The following PJA2 variants were observed in gnomAD, a reference collection of about 807,000 sequenced individuals.
PJA2 encodes praja ring finger ubiquitin ligase 2, also known as E3 ubiquitin-protein ligase Praja-2.
PJA2 carries 25 observed loss-of-function variants against 69.3 expected under a neutral mutation model. That is an observed-to-expected ratio of 0.36 (90% confidence interval 0.26 to 0.50). The LOEUF is 0.50. PJA2 is among the 20% of genes least tolerant of loss of function. The pLI is 0.96. For synonymous variants in PJA2, 308 were observed against 277.8 expected (o/e 1.11, Z -1.08); for missense variants, 809 against 830.2 (o/e 0.97, Z 0.31).
rs537924344 is a variant in PJA2 at position 109,351,781 on chromosome 5, A to G, written c.1764+4134T>C. ...ACAGAAATGAAAGCAACTACTTCCA[A>G]AAAGTTATAGGGCTGCTTGAGAAAC... On this transcript the variant is annotated intron_variant, in intron 7 of 9. Coordinates refer to ENST00000361189, the MANE Select transcript of PJA2 (RefSeq NM_014819.5). Among the ~76,000 whole-genome samples the G allele has an allele frequency of 2.6e-5, 4 of 152,128 alleles. No homozygotes were observed. The South Asian group carries it at 6.2e-4, about 24-fold the overall frequency.
At chr5:109,397,906 T>C (rs1394648633) in intron 1 of PJA2, among the ~76,000 whole-genome samples, 2 of 152,146 alleles carry the variant, frequency 1.3e-5, no homozygotes, top group African/African-American at 4.8e-5. Flanking sequence ...AATCTACTCA[T>C]CTGACAAAGG....
rs900273578 is a variant in PJA2 at position 109,334,850 on chromosome 5, C to T, written c.*2381G>A. 2.6e-5 allele frequency: 4 copies of T among 152,458 alleles called. No individual in the cohort carries two copies. Among genetic ancestry groups the T allele is most frequent in the South Asian group, 2.1e-4 (1 of 4,818 alleles). The allele number at this position is 152,458 out of a possible 1,614,324, so 9.4% of individuals were successfully genotyped here. A position where few individuals can be genotyped will look rare whatever the true frequency, so the allele number is the denominator to read the frequency against. On this transcript the variant is annotated 3_prime_UTR_variant, in exon 10 of 10. Transcript: ENST00000361189. ...AAACTTGCATTCCATTTTAACAATT[C>T]GTATGTATCTAACAAATACATAAAT...
chr5:109,368,728 C>T lies in PJA2; in HGVS notation c.1302G>A (p.Gly434=). Residue 434 remains glycine, a synonymous_variant, in exon 5 of 10, where the codon GGG becomes GGA. Coordinates refer to ENST00000361189, the MANE Select transcript of PJA2 (RefSeq NM_014819.5). ...KDEDSSECSD[G]EWSASLPHRF... The stretch of plus-strand genomic sequence containing the variant: ...GATGAGGCAAAGAAGCAGACCATTC[C>T]CCATCACTGCATTCAGAACTGCAAA... 1 of 1,613,128 alleles carries T rather than the reference C, an allele frequency of 6.2e-7. No homozygotes were observed. Among genetic ancestry groups the T allele is most frequent in the Non-Finnish European group, 8.5e-7 (1 of 1,179,666 alleles).
intron 4 of PJA2, among the ~76,000 whole-genome samples, chr5:109,375,185 A>G (rs932874738): frequency 2.6e-5 from 4 of 152,208 alleles, no homozygotes; most frequent in African/African-American, 4.8e-5. Flanking sequence ...TATATAATTC[A>G]TATTTTTAAA....
At chr5:109,390,789 T>C (rs1747264738) in intron 1 of PJA2, 1 of 152,142 alleles carries the variant, frequency 6.6e-6, no homozygotes, top group Non-Finnish European at 1.5e-5. Context: ...CCTTGATGTA[T>C]GCTGGATGAT....
rs1231278577 is a variant in PJA2 at position 109,378,914 on chromosome 5, A to G, written c.573T>C (p.Ser191=). The change falls in exon 4 of 10, where the codon AGT becomes AGC. Residue 191 remains serine (S), a synonymous_variant. Transcript: ENST00000361189. ...TATTGCCTAATGATTCCTGGTATCT[A>G]CTACCTTCCACGACTTCTGCAGAAA... The part of the protein sequence containing the change: ...LQLSAEVVEG[S]RYQESLGNTV... 6 of 1,614,022 alleles carry G rather than the reference A, an allele frequency of 3.7e-6. No homozygotes were observed.
intron 2 of PJA2, 91 bp downstream of exon 2, chr5:109,383,312 G>A: frequency 1.8e-6 from 2 of 1,136,926 alleles, no homozygotes; most frequent in Non-Finnish European, 1.3e-6. Context: ...TAAGACCACA[G>A]GTCAGATGAT....
At chr5:109,341,067 C>G (rs1004081373) in intron 9 of PJA2, among the ~76,000 whole-genome samples, 2 of 144,430 alleles carry the variant, frequency 1.4e-5, no homozygotes, top group Admixed American at 1.4e-4. Flanking sequence ...GCCACCCCGT[C>G]TGGGAAGTGA....
rs928410569 is a variant in PJA2 at position 109,336,154 on chromosome 5, T to C, written c.*1077A>G. On this transcript the variant is annotated 3_prime_UTR_variant, in exon 10 of 10. Coordinates refer to ENST00000361189, the MANE Select transcript of PJA2 (RefSeq NM_014819.5). Reference sequence around the variant, plus strand: ...CAGTTAGACGGACATACACTCACTATGTGCTTTACTATTTTACTTGCTCAA... The same window carrying C: ...CAGTTAGACGGACATACACTCACTACGTGCTTTACTATTTTACTTGCTCAA... 1 of 152,438 alleles carries C rather than the reference T, an allele frequency of 6.6e-6. No individual in the cohort carries two copies. Among genetic ancestry groups the C allele is most frequent in the African/African-American group, 2.4e-5 (1 of 41,464 alleles). The allele number at this position is 152,438 out of a possible 1,614,324, so 9.4% of individuals were successfully genotyped here.
chr5:109,337,488 C>T (rs570746266), intron 9 of PJA2, 132 bp from the exon 10 acceptor site: 2 of 979,464 alleles, frequency 2.0e-6, no homozygotes, highest in South Asian at 2.1e-5. Flanking sequence ...TTCAAATCCA[C>T]ACAATGCAGA....
rs1284791060 is a variant in PJA2, at chr5:109,409,172, G to C, written c.-88+670C>G. On this transcript the variant is annotated intron_variant, in intron 1 of 9. Transcript: ENST00000361189. ...TCATCTGAGGGAGGCCAAATTAAAG[G>C]TGCATCTGCAAGAGGAGCTCTGGCC... The C allele has an allele frequency of 3.3e-5, 5 of 152,274 alleles. No individual in the cohort carries two copies. The East Asian group carries it at 7.8e-4, about 24-fold the overall frequency. 9.4% of individuals were successfully genotyped at this position (152,274 alleles called of 1,614,324 possible).
chr5:109,395,800 A>C (rs2127015242), intron 1 of PJA2, among the ~76,000 whole-genome samples: 1 of 152,232 alleles, frequency 6.6e-6, no homozygotes, highest in African/African-American at 2.4e-5. Context: ...GGAGTTCAAG[A>C]CCAGCCTGAC....
chr5:109,369,753 C>T (rs962403458), intron 4 of PJA2, among the ~76,000 whole-genome samples: 2 of 152,080 alleles, frequency 1.3e-5, no homozygotes, highest in Admixed American at 6.5e-5. Context: ...CAGTTCAGGC[C>T]GGGCATGGTG....
intron 9 of PJA2, among the ~76,000 whole-genome samples, chr5:109,342,433 C>T (rs1762087220): frequency 7.5e-6 from 1 of 132,814 alleles, no homozygotes; most frequent in African/African-American, 2.9e-5. Flanking sequence ...GTGGGGATGT[C>T]GGCCCCCCGC....
intron 1 of PJA2, among the ~76,000 whole-genome samples, chr5:109,383,999 A>C (rs781151147): frequency 2.0e-5 from 3 of 152,190 alleles, no homozygotes; most frequent in Non-Finnish European, 2.9e-5. Context: ...AAATACCAAA[A>C]TGGCTATGTG....
chr5:109,346,630 A>C (rs1010526153), intron 7 of PJA2, among the ~76,000 whole-genome samples: 5 of 152,246 alleles, frequency 3.3e-5, no homozygotes, highest in African/African-American at 4.8e-5. Flanking sequence ...CCTTGAAGAC[A>C]TTATGCTAAA....
chr5:109,362,670 T>C (rs185655408), intron 6 of PJA2, among the ~76,000 whole-genome samples, 170 bp downstream of exon 6: 40 of 152,184 alleles, frequency 2.6e-4, no homozygotes, highest in Admixed American at 9.8e-4. Flanking sequence ...CTGGAGGAAG[T>C]AGGAAAGGGT....
In PJA2 at chr5:109,381,535, T is replaced by C; in HGVS notation, c.200A>G (p.Glu67Gly). The C allele has an allele frequency of 6.2e-7, 1 of 1,614,090 alleles. No individual in the cohort carries two copies. Among genetic ancestry groups the C allele is most frequent in the Non-Finnish European group, 8.5e-7 (1 of 1,180,006 alleles). The change falls in exon 3 of 10, where the codon GAA becomes GGA. Residue 67 changes from glutamate (E) to glycine (G), a missense_variant. Transcript: ENST00000361189. Reference protein sequence around the residue: ...GRAGDDYEVLELDDVPKENSS... With the variant: ...GRAGDDYEVLGLDDVPKENSS... The stretch of plus-strand genomic sequence containing the variant: ...ATTTTCCTTTGGAACATCATCTAGT[T>C]CCAACACTTCATAGTCATCACCAGC...
chr5:109,360,462 C>CA (rs201735026), intron 6 of PJA2, among the ~76,000 whole-genome samples: 48 of 150,562 alleles, frequency 3.2e-4, no homozygotes, highest in African/African-American at 6.3e-4. Flanking sequence ...AGTGGCAAAA[C>CA]AAAAAAAAAT....
Sources: gnomAD v4.1 joint callset for allele counts (sites outside exome capture counted in the v4.1 genomes callset) on GRCh38, gnomAD v4.1.1 for gene constraint, MANE v1.5 for transcripts, NCBI Gene and HGNC (gene_info 2026-07-23, HGNC 2026-07-21) for gene names.